Variants in CNKSR2 observed in about 807,000 individuals in gnomAD.
The protein encoded by CNKSR2 is connector enhancer of kinase suppressor of Ras 2.
In CNKSR2, 14 loss-of-function variants were observed where a neutral mutation model predicts 84.4. The ratio of observed to expected loss-of-function variants is 0.17; its 90% CI spans 0.11 to 0.26. The LOEUF is 0.26. CNKSR2 is among the 10% of genes least tolerant of loss of function. The pLI is 1.00. For synonymous variants in CNKSR2, 275 were observed against 277.9 expected (o/e 0.99, Z 0.10); for missense variants, 485 against 771.2 (o/e 0.63, Z 4.40).
rs747391941 is a variant in CNKSR2 at position 21,606,879 on chromosome X, G to A, written c.2145G>A (p.Ser715=). Residue 715 remains serine, a splice_region_variant and synonymous_variant, in exon 19 of 22, where the codon TCG becomes TCA. Coordinates refer to ENST00000379510, the MANE Select transcript of CNKSR2 (RefSeq NM_014927.5). ...PPYDTYPRPP[S]MSCASPYVEA... is the part of the protein sequence containing the mutation. ...ATGATACATACCCACGACCTCCCTC[G>A]GTAAGTTAGCAACAAGAACATTACT... 8 of 1,081,484 alleles carry A rather than the reference G, an allele frequency of 7.4e-6. No homozygotes were observed. The highest frequency in any genetic ancestry group is 4.9e-5 in the Admixed American group (2 of 40,915). 89.1% of individuals were successfully genotyped at this position (1,081,484 alleles called of 1,213,427 possible). A position where few individuals can be genotyped will look rare whatever the true frequency, so the allele number is the denominator to read the frequency against.
At chrX:21,402,822 G>T (rs1335667619) in intron 1 of CNKSR2, among the ~76,000 whole-genome samples, 2 of 110,697 alleles carry the variant, frequency 1.8e-5, no homozygotes, top group African/African-American at 6.5e-5. Context: ...AACTTTACCA[G>T]ACATTAAAAT....
intron 10 of CNKSR2, among the ~76,000 whole-genome samples, chrX:21,531,238 TAAA>T (rs941729326): frequency 4.5e-5 from 5 of 111,100 alleles, no homozygotes; most frequent in Non-Finnish European, 9.5e-5. Context: ...TGGTAGTTCT[TAAA>T]TATATTTCTA....
At chrX:21,610,678 G>A (rs1259081834) in intron 20 of CNKSR2, among the ~76,000 whole-genome samples, 1 of 111,917 alleles carries the variant, frequency 8.9e-6, no homozygotes, top group Non-Finnish European at 1.9e-5. Context: ...GTAGCCTTCA[G>A]CCCATTTTAC....
chrX:21,591,384 A>T (rs867047805), intron 15 of CNKSR2, 190 bp downstream of exon 15: 4,936 of 299,385 alleles, frequency 0.016, 214 homozygotes, highest in African/African-American at 0.12. Flanking sequence ...TGTCTCAATT[A>T]TGCTAATGTA....
At chrX:21,581,123 T>TTAAGA (rs1481029157) in intron 13 of CNKSR2, among the ~76,000 whole-genome samples, 1 of 112,250 alleles carries the variant, frequency 8.9e-6, no homozygotes, top group African/African-American at 3.2e-5. Context: ...GCATTCAGTG[T>TTAAGA]TAAGACTGAC....
At chrX:21,434,789 AAAAG>A (rs779811433) in intron 3 of CNKSR2, among the ~76,000 whole-genome samples, 17 of 109,991 alleles carry the variant, frequency 1.5e-4, no homozygotes, top group Admixed American at 1.4e-3. Flanking sequence ...AGGAGAAAGA[AAAAG>A]AAAGAATAGG....
intron 5 of CNKSR2, among the ~76,000 whole-genome samples, chrX:21,481,988 G>A: frequency 8.9e-6 from 1 of 111,744 alleles, no homozygotes; most frequent in Non-Finnish European, 1.9e-5. Flanking sequence ...TGAGACCGGG[G>A]ACTGGTTCCA....
At chrX:21,641,468 A>G in intron 20 of CNKSR2, 2 of 1,134,362 alleles carry the variant, frequency 1.8e-6, no homozygotes, top group Non-Finnish European at 2.4e-6. Context: ...AAATACTAAT[A>G]TGCTTTGGAA....
intron 5 of CNKSR2, among the ~76,000 whole-genome samples, chrX:21,477,427 AT>A (rs1297356676): frequency 4.7e-5 from 5 of 106,674 alleles, no homozygotes; most frequent in Non-Finnish European, 5.8e-5. Context: ...TCTCCAAGCT[AT>A]TTTTTTCTTT....
intron 17 of CNKSR2, among the ~76,000 whole-genome samples, chrX:21,599,785 A>G (rs1368103757): frequency 6.3e-5 from 7 of 111,941 alleles, no homozygotes; most frequent in African/African-American, 2.3e-4. Flanking sequence ...CTTTCCCAAG[A>G]GTGGTAAGAT....
At chrX:21,579,898 C>T (rs1375706270) in intron 13 of CNKSR2, among the ~76,000 whole-genome samples, 1 of 111,676 alleles carries the variant, frequency 9.0e-6, no homozygotes, top group Non-Finnish European at 1.9e-5. Flanking sequence ...ATATCAAGCC[C>T]TCCAGAAATT....
chrX:21,472,709 C>A (rs1175136711), intron 5 of CNKSR2, among the ~76,000 whole-genome samples: 1 of 111,282 alleles, frequency 9.0e-6, no homozygotes, highest in Non-Finnish European at 1.9e-5. Context: ...GAAAAAGAAT[C>A]TCTAGAGAAC....
chrX:21,553,926 T>C (rs760458913), intron 11 of CNKSR2, among the ~76,000 whole-genome samples: 7 of 111,784 alleles, frequency 6.3e-5, no homozygotes, highest in Non-Finnish European at 1.1e-4. Context: ...GCCTAGCTCA[T>C]TTTATACCAA....
At chrX:21,380,505 G>A (rs1601712979) in intron 1 of CNKSR2, among the ~76,000 whole-genome samples, 1 of 100,513 alleles carries the variant, frequency 9.9e-6, no homozygotes, top group East Asian at 3.1e-4. Flanking sequence ...GGAGTGCAGT[G>A]GCACAATCTC....
chrX:21,541,953 C>T (rs370550173), intron 11 of CNKSR2, among the ~76,000 whole-genome samples: 35 of 111,497 alleles, frequency 3.1e-4, no homozygotes, highest in African/African-American at 1.1e-3. Flanking sequence ...TTACATTCCT[C>T]GTTCTAAATT....
chrX:21,457,796 G>T (rs867323865), intron 4 of CNKSR2, among the ~76,000 whole-genome samples: 1 of 111,657 alleles, frequency 9.0e-6, no homozygotes, highest in Non-Finnish European at 1.9e-5. Flanking sequence ...TTTGAAATTT[G>T]TGTGTGGATC....
At chrX:21,568,525 A>G (rs954698838) in intron 13 of CNKSR2, among the ~76,000 whole-genome samples, 2 of 111,788 alleles carry the variant, frequency 1.8e-5, no homozygotes, top group Non-Finnish European at 3.8e-5. Context: ...TTTAGGATAT[A>G]ACTGCAAACA....
intron 3 of CNKSR2, among the ~76,000 whole-genome samples, chrX:21,438,557 A>C (rs1034134139): frequency 2.7e-5 from 3 of 111,709 alleles, no homozygotes; most frequent in African/African-American, 9.8e-5. Context: ...GATATATCAG[A>C]TATCTAAGAA....
At chrX:21,476,419 ATAGTT>A (rs1474858369) in intron 5 of CNKSR2, among the ~76,000 whole-genome samples, 3 of 111,735 alleles carry the variant, frequency 2.7e-5, no homozygotes, top group Non-Finnish European at 5.6e-5. Context: ...TTATTATAGT[ATAGTT>A]AGAATTCTGA....
Sources: gnomAD v4.1 joint callset for allele counts (sites outside exome capture counted in the v4.1 genomes callset) on GRCh38, gnomAD v4.1.1 for gene constraint, MANE v1.5 for transcripts, NCBI Gene and HGNC (gene_info 2026-07-23, HGNC 2026-07-21) for gene names.